The following NEGR1 variants were observed in gnomAD, a reference collection of about 807,000 sequenced individuals.
The protein encoded by NEGR1 is IgLON family member 4.
In NEGR1, 10 loss-of-function variants were observed where a neutral mutation model predicts 40.9. The ratio of observed to expected loss-of-function variants is 0.24; its 90% CI spans 0.15 to 0.42. The LOEUF (loss-of-function observed/expected upper bound fraction) is 0.42, where lower values mean the gene tolerates loss of function less well. Ranked by LOEUF, NEGR1 falls within the 10% of genes least tolerant of loss-of-function variation. The pLI, the probability that NEGR1 is intolerant of heterozygous loss-of-function variation, is 1.00. For missense variants in NEGR1, 352 were observed against 438.9 expected (o/e 0.80, Z 1.77); for synonymous variants, 185 against 166.8 (o/e 1.11, Z -0.84).
intron 1 of NEGR1, among the ~76,000 whole-genome samples, chr1:72,270,120 T>C (rs1189844910): frequency 6.6e-6 from 1 of 151,796 alleles, no homozygotes; most frequent in Non-Finnish European, 1.5e-5. Flanking sequence ...ACTGCCTAAC[T>C]GTTCCACCTG....
intron 6 of NEGR1, among the ~76,000 whole-genome samples, chr1:71,499,587 C>T (rs963514409): frequency 6.6e-6 from 1 of 150,812 alleles, no homozygotes; most frequent in Non-Finnish European, 1.5e-5. Flanking sequence ...ACAAAGAACA[C>T]AAAGTTCCTG....
chr1:71,976,025 C>G (rs1051480691), intron 1 of NEGR1, among the ~76,000 whole-genome samples: 1 of 152,272 alleles, frequency 6.6e-6, no homozygotes, highest in South Asian at 2.1e-4. Context: ...TTCATAAATC[C>G]GCGATAAACA....
At chr1:71,693,707 C>T (rs1356363103) in intron 4 of NEGR1, among the ~76,000 whole-genome samples, 2 of 151,578 alleles carry the variant, frequency 1.3e-5, no homozygotes, top group Non-Finnish European at 3.0e-5. Context: ...TAAATTATAT[C>T]TGACCACAAG....
At chr1:71,605,990 G>C (rs1461591179) in intron 5 of NEGR1, among the ~76,000 whole-genome samples, 1 of 152,144 alleles carries the variant, frequency 6.6e-6, no homozygotes, top group African/African-American at 2.4e-5. Context: ...TTTGAAGATG[G>C]CATCAGATGA....
At chr1:71,757,994 A>G (rs901015633) in intron 3 of NEGR1, among the ~76,000 whole-genome samples, 2 of 152,042 alleles carry the variant, frequency 1.3e-5, no homozygotes, top group African/African-American at 4.8e-5. Flanking sequence ...CTTTGCCTGT[A>G]ATATCTCTTT....
chr1:71,576,658 G>T (rs992989825), intron 6 of NEGR1, among the ~76,000 whole-genome samples: 3 of 152,160 alleles, frequency 2.0e-5, no homozygotes, highest in African/African-American at 7.2e-5. Context: ...ACAATTTTAG[G>T]CAAAGAATAC....
At chr1:71,645,137 G>T (rs985364862) in intron 4 of NEGR1, among the ~76,000 whole-genome samples, 1 of 151,898 alleles carries the variant, frequency 6.6e-6, no homozygotes, top group Non-Finnish European at 1.5e-5. Context: ...TTTGCATCAC[G>T]CTTTTCAGTT....
intron 1 of NEGR1, among the ~76,000 whole-genome samples, chr1:72,183,220 C>T (rs933420221): frequency 3.3e-5 from 5 of 152,072 alleles, no homozygotes; most frequent in African/African-American, 1.2e-4. Flanking sequence ...TGTCAGCCTC[C>T]AGTTGTGCAC....
At chr1:72,157,262 T>A in intron 1 of NEGR1, among the ~76,000 whole-genome samples, 1 of 152,152 alleles carries the variant, frequency 6.6e-6, no homozygotes, top group East Asian at 1.9e-4. Flanking sequence ...TGAGCCACCA[T>A]GTCCAGCCCT....
intron 6 of NEGR1, among the ~76,000 whole-genome samples, chr1:71,572,615 T>C: frequency 6.6e-6 from 1 of 152,200 alleles, no homozygotes; most frequent in East Asian, 1.9e-4. Context: ...GCGTGAGGTC[T>C]GGAGGCTTTA....
chr1:71,818,491 TAGAC>T (rs1171805258), intron 2 of NEGR1, among the ~76,000 whole-genome samples: 3 of 151,692 alleles, frequency 2.0e-5, no homozygotes, highest in Non-Finnish European at 2.9e-5. Flanking sequence ...TAAGAACACA[TAGAC>T]AGAAAGAGGG....
intron 3 of NEGR1, among the ~76,000 whole-genome samples, chr1:71,750,041 C>T (rs1189283439): frequency 1.3e-5 from 2 of 149,134 alleles, no homozygotes; most frequent in Admixed American, 6.7e-5. Context: ...GGCCGGACTG[C>T]GGACTGCAGT....
At chr1:71,903,093 T>C (rs978383059) in intron 2 of NEGR1, among the ~76,000 whole-genome samples, 1 of 151,902 alleles carries the variant, frequency 6.6e-6, no homozygotes, top group Non-Finnish European at 1.5e-5. Flanking sequence ...AGGAAGAAAC[T>C]TGATCCAAAA....
chr1:72,150,693 A>G (rs1163309404), intron 1 of NEGR1, among the ~76,000 whole-genome samples: 8 of 152,138 alleles, frequency 5.3e-5, no homozygotes, highest in South Asian at 2.1e-4. Context: ...CTGACCAGAA[A>G]GCTGTCAACA....
intron 6 of NEGR1, among the ~76,000 whole-genome samples, chr1:71,534,889 T>C (rs1647465384): frequency 6.6e-6 from 1 of 151,612 alleles, no homozygotes; most frequent in Non-Finnish European, 1.5e-5. Flanking sequence ...TTTATAAAAA[T>C]TTAACAAAAT....
At chr1:72,049,701 C>G (rs1647039591) in intron 1 of NEGR1, among the ~76,000 whole-genome samples, 1 of 151,560 alleles carries the variant, frequency 6.6e-6, no homozygotes, top group African/African-American at 2.4e-5. Context: ...ACATGTCAAT[C>G]TTTCCTACTA....
intron 2 of NEGR1, among the ~76,000 whole-genome samples, chr1:71,823,548 G>T (rs555079983): frequency 2.0e-5 from 3 of 151,970 alleles, no homozygotes; most frequent in African/African-American, 7.2e-5. Context: ...AAATTGACTT[G>T]GCAATTTTGA....
At chr1:71,611,246 C>T (rs1042848424) in intron 4 of NEGR1, 100 bp from the exon 5 acceptor site, 17 of 1,083,416 alleles carry the variant, frequency 1.6e-5, no homozygotes, top group Admixed American at 8.6e-5. Flanking sequence ...ATATTCAAAG[C>T]AATCTTATGC....
At chr1:72,276,450 A>G (rs1307688692) in intron 1 of NEGR1, among the ~76,000 whole-genome samples, 3 of 152,192 alleles carry the variant, frequency 2.0e-5, no homozygotes, top group Admixed American at 2.0e-4. Context: ...TCAGTCAAAA[A>G]TATAACACTG....
Sources: gnomAD v4.1 joint callset for allele counts (sites outside exome capture counted in the v4.1 genomes callset) on GRCh38, gnomAD v4.1.1 for gene constraint, MANE v1.5 for transcripts, NCBI Gene and HGNC (gene_info 2026-07-23, HGNC 2026-07-21) for gene names.